The following RIC8B variants were observed in gnomAD, a reference collection of about 807,000 sequenced individuals.
RIC8B encodes the protein RIC8 guanine nucleotide exchange factor B.
Under a neutral mutation model 57.5 loss-of-function variants are expected in RIC8B, and 16 were observed. The ratio of observed to expected loss-of-function variants is 0.28; its 90% CI spans 0.19 to 0.42. RIC8B has a LOEUF of 0.42. Ranked by LOEUF, RIC8B falls within the 10% of genes least tolerant of loss-of-function variation. RIC8B has a pLI of 1.00. For synonymous variants in RIC8B, 216 were observed against 250.8 expected (o/e 0.86, Z 1.31); for missense variants, 481 against 677.0 (o/e 0.71, Z 3.21).
chr12:106,872,628 A>T (rs1350870204), intron 9 of RIC8B, among the ~76,000 whole-genome samples: 5 of 143,408 alleles, frequency 3.5e-5, no homozygotes, highest in Non-Finnish European at 4.5e-5. Flanking sequence ...AGGTCGCACC[A>T]TTGCACTCCA....
chr12:106,790,316 A>G (rs1184941662), intron 2 of RIC8B, among the ~76,000 whole-genome samples: 1 of 152,258 alleles, frequency 6.6e-6, no homozygotes, highest in Non-Finnish European at 1.5e-5. Context: ...TTGAGAAACC[A>G]TTTAGGTAAC....
chr12:106,797,903 A>G, intron 2 of RIC8B: 1 of 565,552 alleles, frequency 1.8e-6, no homozygotes, highest in Non-Finnish European at 3.2e-6. Context: ...GCTACACCGT[A>G]CTGCCGCTCA....
chr12:106,885,646 C>G (rs915729674), intron 9 of RIC8B, among the ~76,000 whole-genome samples: 1 of 151,550 alleles, frequency 6.6e-6, no homozygotes. Flanking sequence ...CCATTTAGAC[C>G]TTGACTTTTC....
In RIC8B at chr12:106,814,738, C is replaced by G; in HGVS notation, c.175C>G (p.Pro59Ala). 6.2e-7 allele frequency: 1 copy of G among 1,612,976 alleles called. No individual in the cohort carries two copies. The highest frequency in any genetic ancestry group is 1.1e-5 in the South Asian group (1 of 90,880). The change falls in exon 3 of 10, where the codon CCA (proline) becomes GCA (alanine). Residue 59 changes from proline (P) to alanine (A), a missense_variant. Transcript: ENST00000392837. ...ATTTAAAGTCCTTATAAAGGACATC[C>G]CAACAACATGTCAAGTGTCCTGCCT... ...GIFKVLIKDI[P>A]TTCQVSCLEV...
In RIC8B at chr12:106,820,380, C is replaced by T. The variant is rs577234136; in HGVS notation, c.741+5076C>T. Among the ~76,000 whole-genome samples the T allele has an allele frequency of 2.6e-5, 4 of 152,316 alleles. No individual in the cohort carries two copies. The South Asian group carries it at 6.2e-4, about 24-fold the overall frequency. ...TTCCACATGTGGAATCAGCCTCTGTCTCCCTTTCCTAAAGCTAGTGTGTTT... is the reference window on the plus strand; with the variant it reads ...TTCCACATGTGGAATCAGCCTCTGTTTCCCTTTCCTAAAGCTAGTGTGTTT... On this transcript the variant is annotated intron_variant, in intron 3 of 9. Transcript: ENST00000392837.
chr12:106,817,104 A>G (rs539093642), intron 3 of RIC8B, among the ~76,000 whole-genome samples: 13 of 152,308 alleles, frequency 8.5e-5, no homozygotes, highest in South Asian at 4.2e-4. Flanking sequence ...TCCAAAGTCA[A>G]CTTTTAGCAA....
Position 106,826,424 on chromosome 12 carries a change from A to G in RIC8B, c.836+604A>G, listed in dbSNP as rs890323338. On this transcript the variant is annotated intron_variant, in intron 4 of 9. Transcript: ENST00000392837. ...AATGATAGTTTTATTTTTTAAAAAA[A>G]CTTGTAAGAATTAGGGCATAGTGTC... 2.4e-4 allele frequency among the ~76,000 whole-genome samples: 36 copies of G among 152,232 alleles called. 1 individual carries two copies. The highest frequency in any genetic ancestry group is 2.6e-4 in the Non-Finnish European group (18 of 68,048).
intron 5 of RIC8B, among the ~76,000 whole-genome samples, chr12:106,843,251 G>A (rs1030310809): frequency 6.6e-6 from 1 of 151,960 alleles, no homozygotes; most frequent in African/African-American, 2.4e-5. Context: ...ACATTCTCTG[G>A]TCTATCACTC....
At chr12:106,826,005 G>T (rs2046081567) in intron 4 of RIC8B, among the ~76,000 whole-genome samples, 185 bp downstream of exon 4, 1 of 152,120 alleles carries the variant, frequency 6.6e-6, no homozygotes. Flanking sequence ...TTTTTATTCT[G>T]CCCCCTTTCA....
intron 4 of RIC8B, among the ~76,000 whole-genome samples, chr12:106,830,759 C>A (rs982923838): frequency 2.6e-5 from 4 of 152,170 alleles, no homozygotes; most frequent in African/African-American, 9.7e-5. Flanking sequence ...CCTCCCTCCC[C>A]CTCATGCACA....
intron 9 of RIC8B, among the ~76,000 whole-genome samples, chr12:106,882,307 A>G (rs1246913749): frequency 3.9e-5 from 6 of 152,118 alleles, no homozygotes; most frequent in African/African-American, 1.2e-4. Flanking sequence ...TCCTAATTCT[A>G]CAGAGAAGGA....
chr12:106,807,000 T>C (rs1163131751), intron 2 of RIC8B, among the ~76,000 whole-genome samples: 2 of 152,182 alleles, frequency 1.3e-5, no homozygotes, highest in Non-Finnish European at 2.9e-5. Context: ...CTTTCCTCAG[T>C]CATCCCCTTC....
At chr12:106,825,892 C>G (rs958143913) in intron 4 of RIC8B, 72 bp downstream of exon 4, 36 of 998,248 alleles carry the variant, frequency 3.6e-5, no homozygotes, top group Non-Finnish European at 5.4e-5. Context: ...CATCTAATTT[C>G]AATTGTTATA....
rs1349378575 is a variant in RIC8B at position 106,784,548 on chromosome 12, CAG to C, written c.132+505_132+506del. Among the ~76,000 whole-genome samples the C allele has an allele frequency of 3.3e-5, 5 of 152,178 alleles. No individual in the cohort carries two copies. The South Asian group carries it at 8.3e-4, about 25-fold the overall frequency. On this transcript the variant is annotated intron_variant, in intron 2 of 9. Transcript: ENST00000392837. The stretch of plus-strand genomic sequence containing the variant: ...CCATTTTAAAATTTTTTTGTAGAGA[CAG>C]GGTCTCATCATGTTGCCCATGCTGG...
chr12:106,811,279 C>G (rs547568026), intron 2 of RIC8B, among the ~76,000 whole-genome samples: 1 of 152,174 alleles, frequency 6.6e-6, no homozygotes, highest in Non-Finnish European at 1.5e-5. Flanking sequence ...TCAGTTAACC[C>G]TTGACCCTAA....
At chr12:106,844,026 C>T in intron 6 of RIC8B, 79 bp downstream of exon 6, 1 of 999,646 alleles carries the variant, frequency 1.0e-6, no homozygotes, top group Non-Finnish European at 1.6e-6. Context: ...TGAATTTTCT[C>T]ACAATGATTT....
intron 3 of RIC8B, chr12:106,822,883 A>G (rs1257616582): frequency 6.5e-6 from 1 of 152,926 alleles, no homozygotes; most frequent in Non-Finnish European, 1.5e-5. Context: ...CCATACGTGT[A>G]AAGTTCAGTA....
chr12:106,790,190 T>C (rs1566039538), intron 2 of RIC8B, among the ~76,000 whole-genome samples: 1 of 152,166 alleles, frequency 6.6e-6, no homozygotes, highest in South Asian at 2.1e-4. Flanking sequence ...AGATTATCTA[T>C]TATGTGCAGC....
At position 106,848,809 on chromosome 12, in the gene RIC8B, C is replaced by G. The variant is rs138577659; in HGVS notation, c.1162-2641C>G. On this transcript the variant is annotated intron_variant, in intron 6 of 9. Coordinates refer to ENST00000392837, the MANE Select transcript of RIC8B (RefSeq NM_001330145.2). ...AAGAGGTCTATAAAAGCCTGGAGGT[C>G]AGAAACACGGAGTAGAATAGTGGTT... 4.7e-3 allele frequency among the ~76,000 whole-genome samples: 708 copies of G among 150,850 alleles called. 6 individuals are homozygous for G. Among genetic ancestry groups the G allele is most frequent in the Non-Finnish European group, 5.4e-3 (362 of 67,312 alleles).
Sources: allele counts gnomAD v4.1 joint callset (sites outside exome capture counted in the v4.1 genomes callset), GRCh38; gene constraint gnomAD v4.1.1; transcripts MANE v1.5; gene names NCBI Gene and HGNC (gene_info 2026-07-23, HGNC 2026-07-21).